Variants in ITM2B observed in about 807,000 individuals in gnomAD.
ITM2B encodes ABri/ADan amyloid peptide.
In ITM2B, 11 loss-of-function variants were observed where a neutral mutation model predicts 27.8. The ratio of observed to expected loss-of-function variants is 0.40; its 90% CI spans 0.25 to 0.66. The LOEUF is 0.66. Ranked by LOEUF, ITM2B falls within the 30% of genes least tolerant of loss-of-function variation. The pLI is 0.43. For missense variants in ITM2B, 296 were observed against 328.9 expected, an observed-to-expected ratio of 0.90 and a Z score of 0.77; for synonymous variants, 114 against 114.3, an observed-to-expected ratio of 1.00 and a Z score of 0.02.
chr13:48,254,072 T>C, intron 2 of ITM2B, 136 bp downstream of exon 2: 1 of 821,038 alleles, frequency 1.2e-6, no homozygotes, highest in Non-Finnish European at 2.0e-6. Context: ...GGTAGTTCTA[T>C]TTTAAAGCTG....
chr13:48,238,565 T>C (rs963202953), intron 1 of ITM2B, among the ~76,000 whole-genome samples: 10 of 152,294 alleles, frequency 6.6e-5, no homozygotes, highest in African/African-American at 2.2e-4. Flanking sequence ...AGCAATAATT[T>C]TATGATGTTG....
At chr13:48,250,430 T>C (rs983492734) in intron 1 of ITM2B, among the ~76,000 whole-genome samples, 2 of 151,970 alleles carry the variant, frequency 1.3e-5, no homozygotes, top group African/African-American at 4.8e-5. Flanking sequence ...CCATCCTGGC[T>C]ACACGGTGAA....
At position 48,233,736 on chromosome 13, in the gene ITM2B, AT is replaced by A. The variant is rs369864350; in HGVS notation, c.117+261del. The stretch of plus-strand genomic sequence containing the variant: ...GGGAACGATTGGCTAATTGTGCCGA[AT>A]TCCCGGTCGTTTGTGCAGTCCGGGG... On this transcript the variant is annotated intron_variant, in intron 1 of 5. Transcript: ENST00000647800. Among the ~76,000 whole-genome samples the A allele has an allele frequency of 6.8e-3, 1,028 of 152,244 alleles. 15 individuals are homozygous for A. The highest frequency in any genetic ancestry group is 0.024 in the African/African-American group (979 of 41,538).
Position 48,261,472 on chromosome 13 carries a change from G to C in ITM2B, c.*248G>C. Reference sequence around the variant, plus strand: ...TAGATAATAGTACATGTCACCTTAGGTAGTAGGAAGAATTACAATTTCTTT... The same window carrying C: ...TAGATAATAGTACATGTCACCTTAGCTAGTAGGAAGAATTACAATTTCTTT... On this transcript the variant is annotated 3_prime_UTR_variant, in exon 6 of 6. Transcript: ENST00000647800. 1 of 316,668 alleles carries C rather than the reference G, an allele frequency of 3.2e-6. No individual in the cohort carries two copies. Among genetic ancestry groups the C allele is most frequent in the Non-Finnish European group, 5.8e-6 (1 of 172,060 alleles). 19.6% of individuals were successfully genotyped at this position (316,668 alleles called of 1,614,324 possible). A position where few individuals can be genotyped will look rare whatever the true frequency, so the allele number is the denominator to read the frequency against.
chr13:48,245,036 G>A (rs964609129), intron 1 of ITM2B, among the ~76,000 whole-genome samples: 4 of 152,050 alleles, frequency 2.6e-5, no homozygotes, highest in East Asian at 1.9e-4. Context: ...TTTATAAAAC[G>A]GATACAAGGC....
At position 48,268,571 on chromosome 13, in the gene ITM2B, A is replaced by C. The variant is rs1951866750; in HGVS notation, c.*7347A>C. On this transcript the variant is annotated 3_prime_UTR_variant, in exon 6 of 6. Coordinates refer to ENST00000647800, the MANE Select transcript of ITM2B (RefSeq NM_021999.5). ...GCAATCCACCCTCCTCGGCCTCCCA[A>C]AGTGCTAGGATTACAAGTGTGAGGC... 6.6e-6 allele frequency: 1 copy of C among 152,112 alleles called. No homozygotes were observed. Among genetic ancestry groups the C allele is most frequent in the Non-Finnish European group, 1.5e-5 (1 of 68,052 alleles). The allele number at this position is 152,112 out of a possible 1,614,324, so 9.4% of individuals were successfully genotyped here. A position where few individuals can be genotyped will look rare whatever the true frequency, so the allele number is the denominator to read the frequency against.
chr13:48,261,490 A>C lies in ITM2B; in HGVS notation c.*266A>C, dbSNP rs555473125. The C allele has an allele frequency of 3.6e-6, 1 of 276,314 alleles. No individual in the cohort carries two copies. The highest frequency in any genetic ancestry group is 6.8e-6 in the Non-Finnish European group (1 of 147,154). 17.1% of individuals were successfully genotyped at this position (276,314 alleles called of 1,614,324 possible). A position where few individuals can be genotyped will look rare whatever the true frequency, so the allele number is the denominator to read the frequency against. On this transcript the variant is annotated 3_prime_UTR_variant, in exon 6 of 6. Coordinates refer to ENST00000647800, the MANE Select transcript of ITM2B (RefSeq NM_021999.5). The stretch of plus-strand genomic sequence containing the variant: ...ACCTTAGGTAGTAGGAAGAATTACA[A>C]TTTCTTTAAATCATTTATCTGGATT...
intron 1 of ITM2B, among the ~76,000 whole-genome samples, chr13:48,245,794 C>T (rs531538542): frequency 0.036 from 4,209 of 116,966 alleles, 195 homozygotes; most frequent in African/African-American, 0.12. Context: ...TTTTTTTTTT[C>T]GAGACAGAGT....
At position 48,262,818 on chromosome 13, in the gene ITM2B, A is replaced by G. The variant is rs569315906; in HGVS notation, c.*1594A>G. ...GGTCTAGGTTCTTTGGAAAACATTT[A>G]GGAGAGTCAATGAGACTTTCAGAAT... On this transcript the variant is annotated 3_prime_UTR_variant, in exon 6 of 6. Transcript: ENST00000647800. 1 of 152,312 alleles carries G rather than the reference A, an allele frequency of 6.6e-6. No individual in the cohort carries two copies. Among genetic ancestry groups the G allele is most frequent in the South Asian group, 2.1e-4 (1 of 4,828 alleles). 9.4% of individuals were successfully genotyped at this position (152,312 alleles called of 1,614,324 possible).
chr13:48,257,493 T>C (rs1951796795), intron 3 of ITM2B, among the ~76,000 whole-genome samples: 1 of 152,220 alleles, frequency 6.6e-6, no homozygotes, highest in Non-Finnish European at 1.5e-5. Flanking sequence ...TCGTGCCTGA[T>C]AAATACATCT....
intron 1 of ITM2B, among the ~76,000 whole-genome samples, chr13:48,245,372 C>A (rs1185216206): frequency 6.6e-6 from 1 of 151,400 alleles, no homozygotes; most frequent in Non-Finnish European, 1.5e-5. Flanking sequence ...ATTGAATAAA[C>A]ACAGTAGAGA....
intron 1 of ITM2B, among the ~76,000 whole-genome samples, chr13:48,245,193 G>A (rs1172080327): frequency 1.3e-5 from 2 of 152,126 alleles, no homozygotes; most frequent in Non-Finnish European, 2.9e-5. Flanking sequence ...GGGCCTGGTG[G>A]CATGTGCCTG....
At chr13:48,257,074 A>G (rs926440054) in intron 3 of ITM2B, among the ~76,000 whole-genome samples, 3 of 152,234 alleles carry the variant, frequency 2.0e-5, no homozygotes, top group South Asian at 2.1e-4. Context: ...GTTAGTGTAC[A>G]TATATACATA....
In ITM2B at chr13:48,266,869, T is replaced by C. The variant is rs1216349359; in HGVS notation, c.*5645T>C. 6.6e-6 allele frequency: 1 copy of C among 152,218 alleles called. No homozygotes were observed. Among genetic ancestry groups the C allele is most frequent in the Non-Finnish European group, 1.5e-5 (1 of 68,044 alleles). The allele number at this position is 152,218 out of a possible 1,614,324, so 9.4% of individuals were successfully genotyped here. On this transcript the variant is annotated 3_prime_UTR_variant, in exon 6 of 6. Transcript: ENST00000647800. ...CCACAAATGTTTCAAGCCAAGATTA[T>C]GTCTTCTTCCATAATGCCACCTTCT...
chr13:48,236,915 A>G (rs1396510316), intron 1 of ITM2B, among the ~76,000 whole-genome samples: 1 of 152,234 alleles, frequency 6.6e-6, no homozygotes, highest in Non-Finnish European at 1.5e-5. Flanking sequence ...AGAGAAAAGT[A>G]AAGTGCTGAT....
In ITM2B at chr13:48,266,292, C is replaced by G. The variant is rs1951853196; in HGVS notation, c.*5068C>G. On this transcript the variant is annotated 3_prime_UTR_variant, in exon 6 of 6. Transcript: ENST00000647800. ...TTTTGGCCTCATATAAGCTTGCAGC[C>G]CTGCCTGAAACAGTTGTCTCTGTCC... The G allele has an allele frequency of 6.6e-6, 1 of 152,120 alleles. No homozygotes were observed. Among genetic ancestry groups the G allele is most frequent in the Non-Finnish European group, 1.5e-5 (1 of 68,068 alleles). 9.4% of individuals were successfully genotyped at this position (152,120 alleles called of 1,614,324 possible).
chr13:48,241,004 A>G (rs763475161), intron 1 of ITM2B, among the ~76,000 whole-genome samples: 1 of 152,164 alleles, frequency 6.6e-6, no homozygotes, highest in Non-Finnish European at 1.5e-5. Context: ...TTAGCTTCTT[A>G]TGGTCTTTTA....
intron 1 of ITM2B, among the ~76,000 whole-genome samples, chr13:48,251,853 T>A (rs1240281758): frequency 1.3e-5 from 2 of 152,334 alleles, no homozygotes; most frequent in South Asian, 4.1e-4. Flanking sequence ...AGACAAGGGC[T>A]CAAGCAAAAG....
chr13:48,253,350 T>C (rs745766560), intron 1 of ITM2B, among the ~76,000 whole-genome samples: 6 of 152,232 alleles, frequency 3.9e-5, no homozygotes, highest in Non-Finnish European at 2.9e-5. Context: ...GTATGAAATA[T>C]AAACCACCTG....
Sources: gnomAD v4.1 joint callset for allele counts (sites outside exome capture counted in the v4.1 genomes callset) on GRCh38, gnomAD v4.1.1 for gene constraint, MANE v1.5 for transcripts, NCBI Gene and HGNC (gene_info 2026-07-23, HGNC 2026-07-21) for gene names.